The following ZNF26 variants were observed in gnomAD, a reference collection of about 807,000 sequenced individuals.
ZNF26 encodes zinc finger protein 26, also known as epididymis luminal protein 179.
Under a neutral mutation model 54.9 loss-of-function variants are expected in ZNF26, and 32 were observed. The observed-to-expected ratio is 0.58, with a 90% CI of 0.44 to 0.78. The LOEUF (loss-of-function observed/expected upper bound fraction) is 0.78. Ranked by LOEUF, ZNF26 falls within the 30% of genes least tolerant of loss-of-function variation. The pLI, the probability that ZNF26 is intolerant of heterozygous loss-of-function variation, is 0.00. For missense variants in ZNF26, 524 were observed against 634.0 expected (o/e 0.83, Z 1.86); for synonymous variants, 221 against 209.2 (o/e 1.06, Z -0.49).
rs1019342764 is a variant in ZNF26 at position 132,986,450 on chromosome 12, C to G, written c.-391C>G. ...ACCGGAATCTGGCCAGCGGGTGTAC[C>G]TGGCTGAGTCTCTGTGGCCGCGGAG... On this transcript the variant is annotated 5_prime_UTR_variant, in exon 1 of 4. Transcript: ENST00000328654. The G allele has an allele frequency of 3.5e-5, 8 of 227,382 alleles. No individual in the cohort carries two copies. The highest frequency in any genetic ancestry group is 6.1e-5 in the Non-Finnish European group (7 of 114,378). The allele number at this position is 227,382 out of a possible 1,614,324, so 14.1% of individuals were successfully genotyped here.
At chr12:133,009,071 G>C (rs1359072060) in intron 3 of ZNF26, among the ~76,000 whole-genome samples, 1 of 152,114 alleles carries the variant, frequency 6.6e-6, no homozygotes, top group Non-Finnish European at 1.5e-5. Context: ...CCATAATCCA[G>C]ATGCAGGCAC....
In ZNF26 at chr12:133,026,054, G is replaced by C. The variant is rs1417202280; in HGVS notation, c.*14573G>C. ...ATCTAGCCTTAGAAAAAGCTGCCTA[G>C]CTGAGCCTATCTTGAATTTCTGACC... On this transcript the variant is annotated 3_prime_UTR_variant, in exon 4 of 4. Coordinates refer to ENST00000328654, the MANE Select transcript of ZNF26 (RefSeq NM_019591.4). 6.6e-6 allele frequency: 1 copy of C among 151,894 alleles called. No homozygotes were observed. Among genetic ancestry groups the C allele is most frequent in the Non-Finnish European group, 1.5e-5 (1 of 68,062 alleles). The allele number at this position is 151,894 out of a possible 1,614,324, so 9.4% of individuals were successfully genotyped here.
Position 133,007,463 on chromosome 12 carries a change from A to G in ZNF26, c.187A>G (p.Ile63Val). The change falls in exon 3 of 4, where the codon ATC (isoleucine) becomes GTC (valine). Residue 63 changes from isoleucine to valine, a missense_variant. Physicochemically the swap from Ile to Val is conservative, Grantham distance 29. Transcript: ENST00000328654. ...GTATCATGGTACCAAGCCTGACTTA[A>G]TCTTCAAGTTGGAACAAGGAGAAGA... ...VGYHGTKPDL[I>V]FKLEQGEDPW... 1 of 1,613,906 alleles carries G rather than the reference A, an allele frequency of 6.2e-7. No homozygotes were observed. Among genetic ancestry groups the G allele is most frequent in the Non-Finnish European group, 8.5e-7 (1 of 1,179,874 alleles).
chr12:133,000,486 A>G (rs1473839772), intron 1 of ZNF26, among the ~76,000 whole-genome samples: 6 of 134,014 alleles, frequency 4.5e-5, no homozygotes, highest in East Asian at 2.2e-4. Flanking sequence ...GTGCAGTGGC[A>G]CGATCTTGGC....
At chr12:133,006,885 T>C in intron 1 of ZNF26, 157 bp from the exon 2 acceptor site, 1 of 1,015,880 alleles carries the variant, frequency 9.8e-7, no homozygotes, top group South Asian at 1.5e-5. Flanking sequence ...TGCCTGGCAC[T>C]CCTTGATTGA....
rs1407749194 is a variant in ZNF26, at chr12:133,024,793, A to G, written c.*13312A>G. ...AAGGGTGAGGTCCCACAAAAGGCCC[A>G]CTGAGAGCCCATAGTAGAGAAAGTC... On this transcript the variant is annotated 3_prime_UTR_variant, in exon 4 of 4. Coordinates refer to ENST00000328654, the MANE Select transcript of ZNF26 (RefSeq NM_019591.4). 6.6e-6 allele frequency: 1 copy of G among 152,202 alleles called. No homozygotes were observed. Among genetic ancestry groups the G allele is most frequent in the African/African-American group, 2.4e-5 (1 of 41,450 alleles). The allele number at this position is 152,202 out of a possible 1,614,324, so 9.4% of individuals were successfully genotyped here.
At position 133,014,509 on chromosome 12, in the gene ZNF26, A is replaced by G. The variant is rs1156844886; in HGVS notation, c.*3028A>G. 6.6e-6 allele frequency: 1 copy of G among 151,166 alleles called. No homozygotes were observed. Among genetic ancestry groups the G allele is most frequent in the Admixed American group, 6.6e-5 (1 of 15,200 alleles). 9.4% of individuals were successfully genotyped at this position (151,166 alleles called of 1,614,324 possible). A position where few individuals can be genotyped will look rare whatever the true frequency, so the allele number is the denominator to read the frequency against. The stretch of plus-strand genomic sequence containing the variant: ...CTTGGTGCACTGACACCCAGCAGTG[A>G]TGATGGTTTTGCTTTCTGTTTTTTT... On this transcript the variant is annotated 3_prime_UTR_variant, in exon 4 of 4. Coordinates refer to ENST00000328654, the MANE Select transcript of ZNF26 (RefSeq NM_019591.4).
In ZNF26 at chr12:133,025,946, C is replaced by G. The variant is rs1182259282; in HGVS notation, c.*14465C>G. ...CCTGAGCTGCCCTGCAGTAAGAAAG[C>G]CCAAACTAGCTCACACACAGACTAC... is the stretch of plus-strand genomic sequence containing the variant. On this transcript the variant is annotated 3_prime_UTR_variant, in exon 4 of 4. Transcript: ENST00000328654. 1 of 152,472 alleles carries G rather than the reference C, an allele frequency of 6.6e-6. No individual in the cohort carries two copies. Among genetic ancestry groups the G allele is most frequent in the African/African-American group, 2.4e-5 (1 of 41,452 alleles). 9.4% of individuals were successfully genotyped at this position (152,472 alleles called of 1,614,324 possible).
chr12:133,003,691 C>T (rs1953267708), intron 1 of ZNF26, among the ~76,000 whole-genome samples: 1 of 152,192 alleles, frequency 6.6e-6, no homozygotes, highest in Non-Finnish European at 1.5e-5. Flanking sequence ...CATGTTTAGT[C>T]TCCATCTCAA....
Position 133,011,190 on chromosome 12 carries a change from A to G in ZNF26, c.1311A>G (p.Gly437=). 6.2e-7 allele frequency: 1 copy of G among 1,614,140 alleles called. No homozygotes were observed. The highest frequency in any genetic ancestry group is 2.2e-5 in the East Asian group (1 of 44,878). Residue 437 remains glycine (G), a synonymous_variant, in exon 4 of 4, where the codon GGA becomes GGG. Coordinates refer to ENST00000328654, the MANE Select transcript of ZNF26 (RefSeq NM_019591.4). ...ECSLCERAFC[G]KSQLIIHQRT... is the part of the protein sequence containing the mutation. ...GTTTGTGTGAGAGAGCCTTTTGTGG[A>G]AAATCACAGCTGATTATACATCAGA...
chr12:133,024,823 T>A lies in ZNF26; in HGVS notation c.*13342T>A, dbSNP rs908248775. 2.0e-5 allele frequency: 3 copies of A among 152,126 alleles called. No homozygotes were observed. The highest frequency in any genetic ancestry group is 4.4e-5 in the Non-Finnish European group (3 of 68,018). 9.4% of individuals were successfully genotyped at this position (152,126 alleles called of 1,614,324 possible). ...GAGCCCATAGTAGAGAAAGTCTTAT[T>A]AAGAGATTTTTGGGGTGTGGCTTTT... On this transcript the variant is annotated 3_prime_UTR_variant, in exon 4 of 4. Transcript: ENST00000328654.
chr12:133,004,988 A>G (rs1443266928), intron 1 of ZNF26: 1 of 151,926 alleles, frequency 6.6e-6, no homozygotes, highest in African/African-American at 2.4e-5. Context: ...CAGACATTTC[A>G]TTACCATCTG....
intron 1 of ZNF26, among the ~76,000 whole-genome samples, chr12:132,990,302 GT>G (rs1952921020): frequency 1.3e-5 from 2 of 152,134 alleles, no homozygotes; most frequent in Middle Eastern, 3.4e-3. Flanking sequence ...AAGAAAAAAA[GT>G]TTTTTCTGCA....
At chr12:132,991,792 T>A (rs896054672) in intron 1 of ZNF26, among the ~76,000 whole-genome samples, 1 of 151,850 alleles carries the variant, frequency 6.6e-6, no homozygotes, top group South Asian at 2.1e-4. Flanking sequence ...AAAAAAATGA[T>A]CAGAAAAAAA....
At chr12:132,986,903 C>T in intron 1 of ZNF26, 30 bp downstream of exon 1, 4 of 1,593,096 alleles carry the variant, frequency 2.5e-6, no homozygotes, top group East Asian at 2.3e-5. Context: ...GTTTAAAATT[C>T]GACTGGATAC....
At chr12:132,988,041 C>T (rs4758898) in intron 1 of ZNF26, among the ~76,000 whole-genome samples, 72,821 of 152,072 alleles carry the variant, frequency 0.48, 19,018 homozygotes, top group East Asian at 0.76. Flanking sequence ...CGGAGTCTCG[C>T]TCTGTCGCCC....
intron 1 of ZNF26, among the ~76,000 whole-genome samples, chr12:132,990,969 C>A (rs1952936735): frequency 6.6e-6 from 1 of 151,876 alleles, no homozygotes; most frequent in South Asian, 2.1e-4. Flanking sequence ...AGCGATTCTC[C>A]TGCCTCAGCC....
Position 132,986,706 on chromosome 12 carries a change from A to G in ZNF26, c.-135A>G, listed in dbSNP as rs1389022338. On this transcript the variant is annotated 5_prime_UTR_variant, in exon 1 of 4. Coordinates refer to ENST00000328654, the MANE Select transcript of ZNF26 (RefSeq NM_019591.4). Reference sequence around the variant, plus strand: ...AGCTGAGGAGCCGGCGTCCCTGCCAACGACTCGGCCCCGGGACGGTCAGGA... The same window carrying G: ...AGCTGAGGAGCCGGCGTCCCTGCCAGCGACTCGGCCCCGGGACGGTCAGGA... 3.3e-6 allele frequency: 3 copies of G among 921,664 alleles called. No individual in the cohort carries two copies. The highest frequency in any genetic ancestry group is 3.2e-6 in the Non-Finnish European group (2 of 618,024). The allele number at this position is 921,664 out of a possible 1,614,324, so 57.1% of individuals were successfully genotyped here.
Position 133,007,038 on chromosome 12 carries a change from T to G in ZNF26, c.34-4T>G. On this transcript the variant is annotated splice_region_variant and splice_polypyrimidine_tract_variant and intron_variant, in intron 1 of 3. Coordinates refer to ENST00000328654, the MANE Select transcript of ZNF26 (RefSeq NM_019591.4). The stretch of plus-strand genomic sequence containing the variant: ...CCAATTGAACAGGGTGTGTGTTATT[T>G]CAGGGATTATTGTCATTCAAGGATA... 1 of 1,614,186 alleles carries G rather than the reference T, an allele frequency of 6.2e-7. No individual in the cohort carries two copies. The highest frequency in any genetic ancestry group is 1.7e-5 in the Admixed American group (1 of 60,012).
Sources: allele counts gnomAD v4.1 joint callset (sites outside exome capture counted in the v4.1 genomes callset), GRCh38; gene constraint gnomAD v4.1.1; transcripts MANE v1.5; gene names NCBI Gene and HGNC (gene_info 2026-07-23, HGNC 2026-07-21).